Variants in RRN3 observed in about 807,000 individuals in gnomAD.
The protein encoded by RRN3 is RNA polymerase I transcription factor RRN3.
RRN3 carries 38 observed loss-of-function variants against 82.3 expected under a neutral mutation model. The ratio of observed to expected loss-of-function variants is 0.46; its 90% CI spans 0.36 to 0.61. The LOEUF (loss-of-function observed/expected upper bound fraction) is 0.61, where lower values mean the gene tolerates loss of function less well. Ranked by LOEUF, RRN3 falls within the 20% of genes least tolerant of loss-of-function variation. The probability of loss-of-function intolerance (pLI) is 0.00; values close to 1 mark genes in which losing one functional copy is unlikely to be tolerated. For missense variants in RRN3, 726 were observed against 793.1 expected (o/e 0.92, Z 1.02); for synonymous variants, 284 against 284.3 (o/e 1.00, Z 0.01).
Position 15,086,371 on chromosome 16 carries a change from A to T in RRN3, c.336T>A (p.Ile112=), listed in dbSNP as rs1165675345. 2 of 1,613,644 alleles carry T rather than the reference A, an allele frequency of 1.2e-6. No individual in the cohort carries two copies. Among genetic ancestry groups the T allele is most frequent in the Non-Finnish European group, 8.5e-7 (1 of 1,179,742 alleles). ...LTKDFEQLIS[I]ILRLPWLNRS... ...AAATAAATGGTGAACTTACTAATATAATACTGATAAGTTGCTCAAAGTCTT... is the reference window on the plus strand; with the variant it reads ...AAATAAATGGTGAACTTACTAATATTATACTGATAAGTTGCTCAAAGTCTT... Residue 112 remains isoleucine, a synonymous_variant, in exon 4 of 18, where the codon ATT becomes ATA. Coordinates refer to ENST00000198767, the MANE Select transcript of RRN3 (RefSeq NM_018427.5).
chr16:15,088,922 T>C (rs1016362072), intron 3 of RRN3, among the ~76,000 whole-genome samples: 154 of 151,958 alleles, frequency 1.0e-3, no homozygotes, highest in Middle Eastern at 3.4e-3. Context: ...GAAAGCTCCA[T>C]GAAAGATGGA....
intron 13 of RRN3, among the ~76,000 whole-genome samples, 176 bp from the exon 14 acceptor site, chr16:15,070,430 AG>A (rs1396936566): frequency 6.6e-6 from 1 of 151,786 alleles, no homozygotes; most frequent in Non-Finnish European, 1.5e-5. Flanking sequence ...ATGGGTGCGT[AG>A]GAAGACAACC....
chr16:15,072,911 A>G (rs1175640104), intron 12 of RRN3, 39 bp downstream of exon 12: 12 of 1,601,996 alleles, frequency 7.5e-6, no homozygotes, highest in African/African-American at 1.4e-5. Context: ...GGGCAAAAAC[A>G]AAGTAAGCTA....
chr16:15,081,002 C>A (rs1223244255), intron 8 of RRN3, among the ~76,000 whole-genome samples: 1 of 152,122 alleles, frequency 6.6e-6, no homozygotes, highest in Admixed American at 6.5e-5. Flanking sequence ...TCAATGGAGT[C>A]ATATAATACA....
chr16:15,092,194 T>G (rs2046159858), intron 2 of RRN3, among the ~76,000 whole-genome samples: 1 of 152,014 alleles, frequency 6.6e-6, no homozygotes. Flanking sequence ...AATAAATAAA[T>G]AAAATGGTGT....
intron 10 of RRN3, among the ~76,000 whole-genome samples, 195 bp from the exon 11 acceptor site, chr16:15,075,056 CCTGGCCAACATGGTAAAACT>C (rs1390152304): frequency 6.6e-6 from 1 of 151,966 alleles, no homozygotes; most frequent in East Asian, 1.9e-4. Flanking sequence ...TTGAGACCAG[CCTGGCCAACATGGTAAAACT>C]CTGTCTCTAC....
intron 12 of RRN3, among the ~76,000 whole-genome samples, chr16:15,071,740 C>T (rs1422566084): frequency 2.6e-5 from 4 of 152,264 alleles, no homozygotes; most frequent in African/African-American, 9.6e-5. Context: ...TACACTCCAG[C>T]CTGGGTGACA....
intron 15 of RRN3, among the ~76,000 whole-genome samples, chr16:15,066,334 A>G (rs946350560): frequency 2.0e-5 from 3 of 152,164 alleles, no homozygotes; most frequent in African/African-American, 7.2e-5. Context: ...CCTGAGCACT[A>G]AAACACTAAC....
intron 12 of RRN3, among the ~76,000 whole-genome samples, chr16:15,071,483 C>T (rs1244320990): frequency 2.6e-5 from 4 of 152,124 alleles, no homozygotes; most frequent in South Asian, 2.1e-4. Flanking sequence ...ACAATCAACC[C>T]GGGGCCAGGC....
chr16:15,076,696 A>G, intron 9 of RRN3, 46 bp from the exon 10 acceptor site: 1 of 1,340,658 alleles, frequency 7.5e-7, no homozygotes, highest in Non-Finnish European at 1.1e-6. Context: ...TTTAAAAAAT[A>G]CAACTATGTT....
rs181298313 is a variant in RRN3 at position 15,060,411 on chromosome 16, T to A, written c.*1333A>T. The A allele has an allele frequency of 2.2e-5, 4 of 184,010 alleles. No individual in the cohort carries two copies. The highest frequency in any genetic ancestry group is 4.6e-5 in the Non-Finnish European group (4 of 86,624). 11.4% of individuals were successfully genotyped at this position (184,010 alleles called of 1,614,324 possible). On this transcript the variant is annotated 3_prime_UTR_variant, in exon 18 of 18. Coordinates refer to ENST00000198767, the MANE Select transcript of RRN3 (RefSeq NM_018427.5). ...TACAGACTGAAATTCAAACTCTACA[T>A]TGCCATCAATGTAATTATACAAGTG...
At chr16:15,074,230 C>T (rs1437387018) in intron 11 of RRN3, among the ~76,000 whole-genome samples, 1 of 152,206 alleles carries the variant, frequency 6.6e-6, no homozygotes, top group Admixed American at 6.5e-5. Flanking sequence ...TATTCTGACT[C>T]ACTGAGCTCA....
At chr16:15,077,934 G>A (rs1316680053) in intron 9 of RRN3, among the ~76,000 whole-genome samples, 6 of 152,158 alleles carry the variant, frequency 3.9e-5, no homozygotes, top group African/African-American at 1.4e-4. Flanking sequence ...CTATGCACAA[G>A]ACACTCACAG....
At chr16:15,090,278 C>T (rs1203204803) in intron 3 of RRN3, among the ~76,000 whole-genome samples, 1 of 151,964 alleles carries the variant, frequency 6.6e-6, no homozygotes, top group African/African-American at 2.4e-5. Flanking sequence ...GTAATTACTA[C>T]AGTGATAAGA....
intron 8 of RRN3, among the ~76,000 whole-genome samples, chr16:15,080,486 G>A (rs543543285): frequency 5.3e-5 from 8 of 152,218 alleles, no homozygotes; most frequent in East Asian, 3.9e-4. Flanking sequence ...TCAGGATGGC[G>A]TACAGTGGTG....
chr16:15,073,144 T>C (rs2045306648), intron 11 of RRN3, 64 bp from the exon 12 acceptor site: 6 of 1,544,448 alleles, frequency 3.9e-6, no homozygotes, highest in South Asian at 3.5e-5. Flanking sequence ...ATCTGCCATA[T>C]TTTTTATAAA....
intron 15 of RRN3, among the ~76,000 whole-genome samples, chr16:15,067,880 C>T: frequency 6.6e-6 from 1 of 151,954 alleles, no homozygotes; most frequent in Non-Finnish European, 1.5e-5. Flanking sequence ...ACCTCAGCCT[C>T]CTGAGTAGTT....
chr16:15,081,466 T>C (rs1306384082), intron 8 of RRN3, among the ~76,000 whole-genome samples: 2 of 152,216 alleles, frequency 1.3e-5, no homozygotes, highest in Admixed American at 6.5e-5. Context: ...GATGTTGAGC[T>C]TCTTTTCATG....
intron 14 of RRN3, among the ~76,000 whole-genome samples, chr16:15,068,510 G>T (rs918531057): frequency 6.6e-6 from 1 of 152,180 alleles, no homozygotes; most frequent in Non-Finnish European, 1.5e-5. Context: ...AGAAAACTTA[G>T]GAAGTAGCAG....
Sources: allele counts gnomAD v4.1 joint callset (sites outside exome capture counted in the v4.1 genomes callset), GRCh38; gene constraint gnomAD v4.1.1; transcripts MANE v1.5; gene names NCBI Gene and HGNC (gene_info 2026-07-23, HGNC 2026-07-21).